MCC: variants seen among roughly 807,000 people sequenced by gnomAD.
The protein encoded by MCC is MCC regulator of Wnt signaling pathway.
MCC carries 90 observed loss-of-function variants against 116.2 expected under a neutral mutation model. That is an observed-to-expected ratio of 0.77 (90% confidence interval 0.65 to 0.92). The LOEUF (loss-of-function observed/expected upper bound fraction) is 0.92. Among genes scored for constraint, MCC ranks in the 40% least tolerant of loss-of-function variants. The probability of loss-of-function intolerance (pLI) is 0.00; values close to 1 mark genes in which losing one functional copy is unlikely to be tolerated. For synonymous variants in MCC, 578 were observed against 510.5 expected (o/e 1.13, Z -1.78); for missense variants, 1,516 against 1,312.2 (o/e 1.16, Z -2.40).
At chr5:113,029,480 G>A (rs895222646) in intron 17 of MCC, among the ~76,000 whole-genome samples, 1 of 151,654 alleles carries the variant, frequency 6.6e-6, no homozygotes, top group African/African-American at 2.4e-5. Context: ...AACCTACCTT[G>A]AACAGGTCCC....
In MCC at chr5:113,327,587, A is replaced by ATAT. The variant is rs1561525261; in HGVS notation, c.627+12931_627+12932insATA. ...ATATATATATATATATATATATATA[A>ATAT]AAATCTCATCCTCTATGTACTCTTT... On this transcript the variant is annotated intron_variant, in intron 3 of 18. Coordinates refer to ENST00000408903, the MANE Select transcript of MCC (RefSeq NM_001085377.2). Among the ~76,000 whole-genome samples, 49 of 96,590 alleles carry ATAT rather than the reference A, an allele frequency of 5.1e-4. 1 individual carries two copies. Among genetic ancestry groups the ATAT allele is most frequent in the Non-Finnish European group, 6.8e-4 (33 of 48,752 alleles). The allele number at this position is 96,590 out of a possible 152,430, so 63.4% of individuals were successfully genotyped here. A position where few individuals can be genotyped will look rare whatever the true frequency, so the allele number is the denominator to read the frequency against.
chr5:113,308,857 T>A, intron 3 of MCC, among the ~76,000 whole-genome samples: 1 of 144,398 alleles, frequency 6.9e-6, no homozygotes, highest in East Asian at 2.0e-4. Context: ...GAGAGAAAGA[T>A]AAAGGAAAAG....
At chr5:113,422,297 G>A (rs1770360911) in intron 1 of MCC, among the ~76,000 whole-genome samples, 1 of 152,064 alleles carries the variant, frequency 6.6e-6, no homozygotes, top group Non-Finnish European at 1.5e-5. Flanking sequence ...AGATACAAGA[G>A]ATATAAACAG....
chr5:113,304,029 A>C (rs1016393453), intron 3 of MCC, among the ~76,000 whole-genome samples: 1 of 152,154 alleles, frequency 6.6e-6, no homozygotes, highest in East Asian at 1.9e-4. Flanking sequence ...CTTGAACCAA[A>C]GTCTCTACTT....
At chr5:113,133,474 T>C (rs1414733122) in intron 5 of MCC, among the ~76,000 whole-genome samples, 1 of 152,074 alleles carries the variant, frequency 6.6e-6, no homozygotes. Flanking sequence ...TTTCATTCTT[T>C]TTTTTTTTAT....
chr5:113,179,175 T>C (rs1286430336), intron 3 of MCC, among the ~76,000 whole-genome samples: 2 of 152,194 alleles, frequency 1.3e-5, no homozygotes, highest in East Asian at 1.9e-4. Flanking sequence ...GTTCAGAATA[T>C]AAAGCCAGTG....
intron 3 of MCC, among the ~76,000 whole-genome samples, chr5:113,192,236 C>T (rs1423290170): frequency 6.6e-6 from 1 of 152,166 alleles, no homozygotes; most frequent in Non-Finnish European, 1.5e-5. Context: ...TTTGGTAAGG[C>T]CAAGCTATTA....
At chr5:113,244,653 T>C (rs1404892880) in intron 3 of MCC, among the ~76,000 whole-genome samples, 1 of 152,218 alleles carries the variant, frequency 6.6e-6, no homozygotes, top group Non-Finnish European at 1.5e-5. Context: ...TTAGTGCAAG[T>C]CTGTATCTAC....
At chr5:113,294,299 C>T (rs1257288271) in intron 3 of MCC, 5 of 1,613,216 alleles carry the variant, frequency 3.1e-6, no homozygotes, top group East Asian at 2.2e-5. Context: ...GCCCGAGAAA[C>T]CCTAGCTCCC....
intron 1 of MCC, among the ~76,000 whole-genome samples, chr5:113,427,609 A>T (rs1485124144): frequency 1.3e-5 from 2 of 152,190 alleles, no homozygotes; most frequent in Non-Finnish European, 2.9e-5. Flanking sequence ...ATTATTATGG[A>T]GTCACTTTGA....
intron 5 of MCC, among the ~76,000 whole-genome samples, chr5:113,140,049 AG>A (rs1759087773): frequency 6.6e-6 from 1 of 152,246 alleles, no homozygotes; most frequent in African/African-American, 2.4e-5. Flanking sequence ...AGCATCTCTA[AG>A]GAACATACAA....
At chr5:113,365,792 A>G (rs1307349011) in intron 2 of MCC, among the ~76,000 whole-genome samples, 3 of 152,232 alleles carry the variant, frequency 2.0e-5, no homozygotes, top group Non-Finnish European at 2.9e-5. Context: ...GGCAGAAGGC[A>G]AAGGAGGAGC....
chr5:113,156,332 G>A (rs1441230337), intron 3 of MCC, among the ~76,000 whole-genome samples: 1 of 152,188 alleles, frequency 6.6e-6, no homozygotes, highest in African/African-American at 2.4e-5. Context: ...CCCTTTTGTT[G>A]TAGGGCTGTG....
intron 8 of MCC, 56 bp downstream of exon 8, chr5:113,101,683 C>T: frequency 6.3e-7 from 1 of 1,583,738 alleles, no homozygotes. Context: ...ATACACCAGC[C>T]TCTCTCAGCC....
intron 5 of MCC, among the ~76,000 whole-genome samples, chr5:113,138,152 G>C (rs1581139275): frequency 6.6e-6 from 1 of 152,224 alleles, no homozygotes; most frequent in Admixed American, 6.5e-5. Context: ...AAGTAGTTGG[G>C]ACTATAGGCA....
At chr5:113,210,326 A>G (rs1763081826) in intron 3 of MCC, among the ~76,000 whole-genome samples, 1 of 152,208 alleles carries the variant, frequency 6.6e-6, no homozygotes. Flanking sequence ...CTGTGTTAAT[A>G]CAAGTGTGGT....
chr5:113,282,214 CA>C (rs144879147), intron 3 of MCC, among the ~76,000 whole-genome samples: 3 of 152,032 alleles, frequency 2.0e-5, no homozygotes, highest in Non-Finnish European at 2.9e-5. Context: ...GAGAAGGTGC[CA>C]AAAAACAGAG....
At chr5:113,248,585 C>T (rs1432909598) in intron 3 of MCC, among the ~76,000 whole-genome samples, 1 of 152,136 alleles carries the variant, frequency 6.6e-6, no homozygotes, top group Non-Finnish European at 1.5e-5. Context: ...ATGAAATTGG[C>T]TGCTTCCCAA....
intron 13 of MCC, 32 bp from the exon 14 acceptor site, chr5:113,064,199 A>G (rs750972769): frequency 6.3e-7 from 1 of 1,581,678 alleles, no homozygotes; most frequent in Admixed American, 1.7e-5. Flanking sequence ...GGATTAATCA[A>G]CATAGGCCTG....
Sources: allele counts gnomAD v4.1 joint callset (sites outside exome capture counted in the v4.1 genomes callset), GRCh38; gene constraint gnomAD v4.1.1; transcripts MANE v1.5; gene names NCBI Gene and HGNC (gene_info 2026-07-23, HGNC 2026-07-21).